The following RUSC2 variants were observed in gnomAD, a reference collection of about 807,000 sequenced individuals.
The protein encoded by RUSC2 is RUN and SH3 domain containing 2, also known as AP-4 complex accessory subunit RUSC2.
RUSC2 carries 34 observed loss-of-function variants against 122.2 expected under a neutral mutation model. That is an observed-to-expected ratio of 0.28 (90% CI 0.21 to 0.37). RUSC2 has a LOEUF of 0.37. RUSC2 is among the 10% of genes least tolerant of loss of function. The pLI is 1.00. For synonymous variants in RUSC2, 784 were observed against 790.0 expected, an observed-to-expected ratio of 0.99 and a Z score of 0.13; for missense variants, 1,747 against 1,952.4, an observed-to-expected ratio of 0.89 and a Z score of 1.98.
At chr9:35,531,200 G>A (rs2132530472) in intron 1 of RUSC2, among the ~76,000 whole-genome samples, 2 of 152,198 alleles carry the variant, frequency 1.3e-5, no homozygotes, top group Non-Finnish European at 2.9e-5. Flanking sequence ...AGCGGAGCTT[G>A]CAGTGAGCTG....
chr9:35,494,565 G>C (rs530048307), intron 1 of RUSC2, among the ~76,000 whole-genome samples: 117 of 152,142 alleles, frequency 7.7e-4, no homozygotes, highest in Non-Finnish European at 1.4e-3. Context: ...ATTTTTTCAT[G>C]TATTTCATAC....
chr9:35,536,680 G>A (rs1351113108), intron 1 of RUSC2, among the ~76,000 whole-genome samples: 5 of 152,078 alleles, frequency 3.3e-5, no homozygotes, highest in Non-Finnish European at 1.5e-5. Context: ...GGGGCATGGT[G>A]GCAGGTGCCT....
At chr9:35,551,923 G>A (rs1821907068) in intron 2 of RUSC2, among the ~76,000 whole-genome samples, 1 of 152,118 alleles carries the variant, frequency 6.6e-6, no homozygotes, top group South Asian at 2.1e-4. Flanking sequence ...AAACAGCTGG[G>A]AGTGATGGCA....
At chr9:35,556,737 G>T (rs1822029856) in intron 5 of RUSC2, among the ~76,000 whole-genome samples, 1 of 152,238 alleles carries the variant, frequency 6.6e-6, no homozygotes, top group Non-Finnish European at 1.5e-5. Context: ...TGAGGCAGGA[G>T]AATTACTTGA....
Position 35,547,061 on chromosome 9 carries a change from G to T in RUSC2, c.540G>T (p.Leu180Phe). 1 of 1,613,022 alleles carries T rather than the reference G, an allele frequency of 6.2e-7. No homozygotes were observed. The highest frequency in any genetic ancestry group is 1.1e-5 in the South Asian group (1 of 90,924). The change falls in exon 2 of 12, where the codon TTG (leucine) becomes TTT (phenylalanine). Residue 180 changes from leucine (L) to phenylalanine (F), a missense_variant. Physicochemically the swap from Leu to Phe is conservative, Grantham distance 22 (BLOSUM62 0). Coordinates refer to ENST00000361226, the MANE Select transcript of RUSC2 (RefSeq NM_014806.5). The surrounding 1 kb of genome is among the most constrained non-coding windows in gnomAD (Gnocchi z 4.6). ...AGGAACAGGAGCCAGTGATGACCTTGGATACTCAGCAGTGCGGCACCAGCC... is the reference window on the plus strand; with the variant it reads ...AGGAACAGGAGCCAGTGATGACCTTTGATACTCAGCAGTGCGGCACCAGCC... ...EGQEQEPVMT[L>F]DTQQCGTSHC... is the part of the protein sequence containing the mutation.
chr9:35,490,350 G>T (rs1328243255), intron 1 of RUSC2, among the ~76,000 whole-genome samples, 178 bp downstream of exon 1: 1 of 151,752 alleles, frequency 6.6e-6, no homozygotes, highest in Non-Finnish European at 1.5e-5. Context: ...CCCCTGGGCA[G>T]ACCTCGTCCC....
At chr9:35,542,289 T>G (rs1821656765) in intron 1 of RUSC2, among the ~76,000 whole-genome samples, 1 of 152,222 alleles carries the variant, frequency 6.6e-6, no homozygotes, top group South Asian at 2.1e-4. Context: ...CAATACAACC[T>G]AAATGTAAAA....
At position 35,558,080 on chromosome 9, in the gene RUSC2, G is replaced by A. The variant is rs764926046; in HGVS notation, c.3060+90G>A. 335 of 1,582,928 alleles carry A rather than the reference G, an allele frequency of 2.1e-4. No homozygotes were observed. Among genetic ancestry groups the A allele is most frequent in the Non-Finnish European group, 2.9e-4 (330 of 1,153,716 alleles). ...CTTCCCTTGCTGTCTTGCATTTAGAGCCCAGGGTTGGGTACTTAGGAATGG... is the reference window on the plus strand; with the variant it reads ...CTTCCCTTGCTGTCTTGCATTTAGAACCCAGGGTTGGGTACTTAGGAATGG... On this transcript the variant is annotated intron_variant, in intron 6 of 11. Transcript: ENST00000361226. The surrounding 1 kb of genome is among the most constrained non-coding windows in gnomAD (Gnocchi z 4.3).
At chr9:35,559,603 C>T (rs749575633) in intron 9 of RUSC2, among the ~76,000 whole-genome samples, 17 of 152,306 alleles carry the variant, frequency 1.1e-4, no homozygotes, top group East Asian at 3.9e-4. Context: ...GCTGTGGTGG[C>T]GCATGCCTGT....
rs148187516 is a variant in RUSC2, at chr9:35,545,165, C to T, written c.-92-1265C>T. 1.8e-4 allele frequency among the ~76,000 whole-genome samples: 28 copies of T among 152,204 alleles called. No individual in the cohort carries two copies. In the East Asian group the frequency reaches 3.3e-3, roughly 18 times the overall value. ...TCAGACTTTACCACATTCCACATGA[C>T]GAGCTATGACCCTATGGTCTACATG... is the stretch of plus-strand genomic sequence containing the variant. On this transcript the variant is annotated intron_variant, in intron 1 of 11. Coordinates refer to ENST00000361226, the MANE Select transcript of RUSC2 (RefSeq NM_014806.5).
rs1194434698 is a variant in RUSC2 at position 35,555,758 on chromosome 9, A to ACCTC, written c.2656+60_2656+63dup. On this transcript the variant is annotated intron_variant, in intron 3 of 11. Transcript: ENST00000361226. This position sits in a 1 kb window ranked among gnomAD's most constrained non-coding sequence, Gnocchi z 4.6. ...GCCACCTCACGCAAGCACTTCCACC[A>ACCTC]CCTCCCCTTTGAGTGGTTGCTTACA... 1 of 1,531,592 alleles carries ACCTC rather than the reference A, an allele frequency of 6.5e-7. No individual in the cohort carries two copies. The highest frequency in any genetic ancestry group is 8.7e-7 in the Non-Finnish European group (1 of 1,148,206). The allele number at this position is 1,531,592 out of a possible 1,614,324, so 94.9% of individuals were successfully genotyped here.
chr9:35,524,844 A>G (rs569489322), intron 1 of RUSC2, among the ~76,000 whole-genome samples: 25 of 151,946 alleles, frequency 1.6e-4, no homozygotes, highest in Non-Finnish European at 2.2e-4. Context: ...GGTGGCGGGC[A>G]CCTGTAGTCC....
Position 35,555,010 on chromosome 9 carries a change from A to G in RUSC2, c.2015-50A>G, listed in dbSNP as rs762265468. 52 of 1,597,278 alleles carry G rather than the reference A, an allele frequency of 3.3e-5. No homozygotes were observed. The highest frequency in any genetic ancestry group is 4.4e-5 in the Non-Finnish European group (52 of 1,176,572). ...TCTCTGCTTCTGGGTTTTCTCTCAT[A>G]TGGGTTTCAGTGTCTGTCTACTGAT... On this transcript the variant is annotated intron_variant, in intron 2 of 11. Coordinates refer to ENST00000361226, the MANE Select transcript of RUSC2 (RefSeq NM_014806.5). This position sits in a 1 kb window ranked among gnomAD's most constrained non-coding sequence, Gnocchi z 4.6.
chr9:35,521,485 C>T (rs563833735), intron 1 of RUSC2, among the ~76,000 whole-genome samples: 1 of 152,300 alleles, frequency 6.6e-6, no homozygotes, highest in Admixed American at 6.5e-5. Context: ...TATTCTTTTC[C>T]TGGGTATACT....
intron 2 of RUSC2, among the ~76,000 whole-genome samples, chr9:35,552,867 A>C (rs113199927): frequency 9.8e-5 from 15 of 152,340 alleles, no homozygotes; most frequent in African/African-American, 3.6e-4. Flanking sequence ...CCCATTCCCC[A>C]CAGGGGCCCC....
chr9:35,513,189 T>TG (rs1441991322), intron 1 of RUSC2, among the ~76,000 whole-genome samples: 2 of 137,004 alleles, frequency 1.5e-5, no homozygotes, highest in Non-Finnish European at 1.6e-5. Context: ...TTATACTTTG[T>TG]TTTGTTGTTG....
chr9:35,513,227 T>TTGTTGTTGC (rs1460910470), intron 1 of RUSC2, among the ~76,000 whole-genome samples: 1 of 143,386 alleles, frequency 7.0e-6, no homozygotes, highest in Non-Finnish European at 1.5e-5. Context: ...GTTGTTGTTG[T>TTGTTGTTGC]TGTTGCTTGA....
chr9:35,549,061 G>A, intron 2 of RUSC2: 17 of 983,986 alleles, frequency 1.7e-5, no homozygotes, highest in Non-Finnish European at 2.1e-5. Flanking sequence ...AATACACTGA[G>A]GAGATAAAAT....
chr9:35,543,300 C>T (rs551912479), intron 1 of RUSC2, among the ~76,000 whole-genome samples: 23 of 152,204 alleles, frequency 1.5e-4, no homozygotes, highest in African/African-American at 5.1e-4. Flanking sequence ...GTGGCACACA[C>T]CTGTGGTCCT....
Sources: gnomAD v4.1 joint callset for allele counts (sites outside exome capture counted in the v4.1 genomes callset) on GRCh38, gnomAD v4.1.1 for gene constraint, Gnocchi (gnomAD v3.1) non-coding constraint, MANE v1.5 for transcripts, NCBI Gene and HGNC (gene_info 2026-07-23, HGNC 2026-07-21) for gene names.